Variants in MEF2A observed in about 807,000 individuals in gnomAD.
MEF2A encodes myocyte-specific enhancer factor 2A.
MEF2A carries 28 observed loss-of-function variants against 55.8 expected under a neutral mutation model. That is an observed-to-expected ratio of 0.50 (90% CI 0.37 to 0.69). MEF2A has a LOEUF of 0.69. Among genes scored for constraint, MEF2A ranks in the 30% least tolerant of loss-of-function variants. The pLI, the probability that MEF2A is intolerant of heterozygous loss-of-function variation, is 0.00. For missense variants in MEF2A, 528 were observed against 626.2 expected (o/e 0.84, Z 1.67); for synonymous variants, 239 against 227.1 (o/e 1.05, Z -0.47).
chr15:99,566,359 C>A (rs970324603), intron 1 of MEF2A: 1 of 104,728 alleles, frequency 9.5e-6, no homozygotes, highest in African/African-American at 3.7e-5. Flanking sequence ...TGGGAGGCGG[C>A]GAGGGGTGGT....
At chr15:99,697,205 A>T (rs947495671) in intron 8 of MEF2A, among the ~76,000 whole-genome samples, 2 of 152,138 alleles carry the variant, frequency 1.3e-5, no homozygotes, top group African/African-American at 4.8e-5. Flanking sequence ...CTCACCAGTC[A>T]TATTTACCAT....
chr15:99,712,403 T>C lies in MEF2A; in HGVS notation c.1150T>C (p.Leu384=), dbSNP rs1227403567. 1.3e-6 allele frequency: 2 copies of C among 1,536,988 alleles called. No homozygotes were observed. Among genetic ancestry groups the C allele is most frequent in the Non-Finnish European group, 1.8e-6 (2 of 1,135,708 alleles). Residue 384 remains leucine, a synonymous_variant, in exon 12 of 12, where the codon TTA becomes CTA. Coordinates refer to ENST00000557942, the MANE Select transcript of MEF2A (RefSeq NM_001319206.4). This position sits in a 1 kb window ranked among gnomAD's most constrained non-coding sequence, Gnocchi z 4.1. ...TTTTTCCTTCAGTGCTGGAGGGCAG[T>C]TATCTCAGGGTTCCAATTTATCCAT... ...ALSSLVAGGQ[L]SQGSNLSINT...
chr15:99,689,054 C>T (rs1346086634), intron 7 of MEF2A, among the ~76,000 whole-genome samples: 1 of 152,062 alleles, frequency 6.6e-6, no homozygotes, highest in African/African-American at 2.4e-5. Flanking sequence ...TGGTTTCATA[C>T]GTATTTTATA....
At chr15:99,661,732 G>T (rs2153572979) in intron 4 of MEF2A, among the ~76,000 whole-genome samples, 1 of 151,970 alleles carries the variant, frequency 6.6e-6, no homozygotes, top group Middle Eastern at 3.4e-3. Flanking sequence ...GCATTATCTA[G>T]TATAACTGAA....
intron 2 of MEF2A, among the ~76,000 whole-genome samples, chr15:99,614,436 A>G (rs1436313554): frequency 6.6e-6 from 1 of 152,202 alleles, no homozygotes; most frequent in Non-Finnish European, 1.5e-5. Context: ...AGAATGTCCA[A>G]TAGCCTGGGA....
At chr15:99,617,128 A>G (rs889806935) in intron 2 of MEF2A, among the ~76,000 whole-genome samples, 1 of 152,148 alleles carries the variant, frequency 6.6e-6, no homozygotes, top group African/African-American at 2.4e-5. Context: ...GCTGTTCAGC[A>G]GTTTTTGAGG....
chr15:99,680,829 A>AAT (rs1384105214), intron 7 of MEF2A, among the ~76,000 whole-genome samples: 1 of 152,218 alleles, frequency 6.6e-6, no homozygotes, highest in Non-Finnish European at 1.5e-5. Context: ...ATGCTGTATT[A>AAT]ATACAGTTAC....
intron 1 of MEF2A, among the ~76,000 whole-genome samples, chr15:99,584,178 A>G (rs1054990037): frequency 1.3e-5 from 2 of 152,186 alleles, no homozygotes; most frequent in Non-Finnish European, 1.5e-5. Context: ...TTATGTGACC[A>G]CCGTCATTTA....
chr15:99,579,905 C>T (rs1965425401), intron 1 of MEF2A, among the ~76,000 whole-genome samples: 1 of 152,102 alleles, frequency 6.6e-6, no homozygotes, highest in Admixed American at 6.6e-5. Flanking sequence ...CTTACAGTTA[C>T]TGAAGAACAG....
chr15:99,686,806 T>A (rs546811249), intron 7 of MEF2A, among the ~76,000 whole-genome samples: 1 of 152,344 alleles, frequency 6.6e-6, no homozygotes, highest in South Asian at 2.1e-4. Flanking sequence ...TTCTCAAATA[T>A]GTTTTCCAGA....
At chr15:99,662,745 T>C (rs1421086693) in intron 4 of MEF2A, among the ~76,000 whole-genome samples, 1 of 152,230 alleles carries the variant, frequency 6.6e-6, no homozygotes, top group Admixed American at 6.5e-5. Flanking sequence ...CCCAAAGTGC[T>C]AGGATTACAG....
rs767244259 is a variant in MEF2A, at chr15:99,716,276, C to T, written c.*3505C>T. ...GGTTTGATCATGTAAAACCGTTTGG[C>T]GGCACAAGCTGGACTTTGTTGCCAT... On this transcript the variant is annotated 3_prime_UTR_variant, in exon 12 of 12. Coordinates refer to ENST00000557942, the MANE Select transcript of MEF2A (RefSeq NM_001319206.4). The T allele has an allele frequency of 2.5e-4, 84 of 340,878 alleles. No individual in the cohort carries two copies. The highest frequency in any genetic ancestry group is 1.2e-4 in the Non-Finnish European group (20 of 171,876). 21.1% of individuals were successfully genotyped at this position (340,878 alleles called of 1,614,324 possible). A position where few individuals can be genotyped will look rare whatever the true frequency, so the allele number is the denominator to read the frequency against.
rs1221597085 is a variant in MEF2A at position 99,706,016 on chromosome 15, A to AT, written c.883-705dup. Among the ~76,000 whole-genome samples, 4 of 152,238 alleles carry AT rather than the reference A, an allele frequency of 2.6e-5. No homozygotes were observed. In the East Asian group the frequency reaches 5.8e-4, roughly 22 times the overall value. ...ACTAACTGGATTATTTAATAGTTGA[A>AT]TTTTTTTTATCCATTCCCAGCATGG... On this transcript the variant is annotated intron_variant, in intron 9 of 11. Coordinates refer to ENST00000557942, the MANE Select transcript of MEF2A (RefSeq NM_001319206.4).
chr15:99,623,736 G>A (rs1485357344), intron 2 of MEF2A, among the ~76,000 whole-genome samples: 1 of 151,028 alleles, frequency 6.6e-6, no homozygotes, highest in African/African-American at 2.4e-5. Flanking sequence ...TTTTTAAATT[G>A]GGTTATGTTT....
chr15:99,578,725 T>G (rs780986379), intron 1 of MEF2A, among the ~76,000 whole-genome samples: 1 of 152,218 alleles, frequency 6.6e-6, no homozygotes, highest in Non-Finnish European at 1.5e-5. Flanking sequence ...TCACTATGTA[T>G]GCATAATCAT....
At chr15:99,644,706 T>G (rs1013880381) in intron 3 of MEF2A, among the ~76,000 whole-genome samples, 3 of 152,182 alleles carry the variant, frequency 2.0e-5, no homozygotes, top group Non-Finnish European at 2.9e-5. Flanking sequence ...TAAACAGACT[T>G]TATGTTTTAG....
At chr15:99,706,369 T>C (rs1425579548) in intron 9 of MEF2A, among the ~76,000 whole-genome samples, 1 of 152,226 alleles carries the variant, frequency 6.6e-6, no homozygotes, top group Admixed American at 6.5e-5. Flanking sequence ...ACCTTTGCCA[T>C]CATCAGGTAT....
chr15:99,631,501 C>T (rs1019402806), intron 2 of MEF2A, among the ~76,000 whole-genome samples: 3 of 152,136 alleles, frequency 2.0e-5, no homozygotes, highest in Admixed American at 6.5e-5. Flanking sequence ...GAGACACATC[C>T]TCAGGGGAGC....
intron 2 of MEF2A, among the ~76,000 whole-genome samples, chr15:99,612,466 C>G (rs1326279279): frequency 6.6e-6 from 1 of 152,008 alleles, no homozygotes; most frequent in African/African-American, 2.4e-5. Flanking sequence ...GTGAGTTTTG[C>G]GGTATATGAA....
Sources: allele counts gnomAD v4.1 joint callset (sites outside exome capture counted in the v4.1 genomes callset), GRCh38; gene constraint gnomAD v4.1.1; non-coding constraint Gnocchi (gnomAD v3.1); transcripts MANE v1.5; gene names NCBI Gene and HGNC (gene_info 2026-07-23, HGNC 2026-07-21).